The following COPG2 variants were observed in gnomAD, a reference collection of about 807,000 sequenced individuals.
The protein encoded by COPG2 is coat protein complex I subunit gamma 2.
A neutral mutation model predicts 46.3 loss-of-function variants in COPG2; 37 were observed. The observed-to-expected ratio is 0.80, with a 90% CI of 0.61 to 1.05. The LOEUF (loss-of-function observed/expected upper bound fraction) is 1.05, where lower values mean the gene tolerates loss of function less well. COPG2 is among the 50% of genes least tolerant of loss of function. The probability of loss-of-function intolerance (pLI) is 0.00; values close to 1 mark genes in which losing one functional copy is unlikely to be tolerated. For synonymous variants in COPG2, 159 were observed against 129.7 expected (o/e 1.23, Z -1.53); for missense variants, 427 against 387.8 (o/e 1.10, Z -0.85).
At chr7:130,547,910 C>A in intron 19 of COPG2, 65 bp from the exon 20 acceptor site, 1 of 398,466 alleles carries the variant, frequency 2.5e-6, no homozygotes. Flanking sequence ...TCATAACCCA[C>A]TACTCAGCTC....
chr7:130,648,195 G>T (rs555059099), intron 5 of COPG2, among the ~76,000 whole-genome samples: 148 of 151,998 alleles, frequency 9.7e-4, no homozygotes, highest in African/African-American at 3.2e-3. Context: ...CATACAGAAA[G>T]GTCATCTATA....
intron 12 of COPG2, among the ~76,000 whole-genome samples, chr7:130,558,580 A>G (rs898963568): frequency 1.5e-3 from 222 of 152,284 alleles, no homozygotes; most frequent in African/African-American, 4.9e-3. Flanking sequence ...ACAGAGTGCA[A>G]TATGATCACA....
intron 20 of COPG2, among the ~76,000 whole-genome samples, chr7:130,522,161 A>C (rs999019232): frequency 5.3e-5 from 8 of 152,220 alleles, no homozygotes; most frequent in Non-Finnish European, 1.2e-4. Context: ...GTCAAAGAAG[A>C]GAAAAAGAGG....
intron 9 of COPG2, among the ~76,000 whole-genome samples, chr7:130,602,552 A>G (rs1299050680): frequency 8.5e-5 from 13 of 152,094 alleles, no homozygotes; most frequent in Non-Finnish European, 1.5e-5. Context: ...AGGTCACTGC[A>G]ACCTCTGCCT....
chr7:130,582,478 A>G (rs1278901578), intron 9 of COPG2, among the ~76,000 whole-genome samples: 3 of 151,890 alleles, frequency 2.0e-5, no homozygotes, highest in African/African-American at 4.8e-5. Flanking sequence ...AATGGCAACA[A>G]AAGACAAAAT....
At chr7:130,657,533 A>C (rs977633654) in intron 4 of COPG2, among the ~76,000 whole-genome samples, 1 of 152,162 alleles carries the variant, frequency 6.6e-6, no homozygotes, top group Non-Finnish European at 1.5e-5. Context: ...AAAATTTGAT[A>C]AACTGGACTT....
intron 20 of COPG2, among the ~76,000 whole-genome samples, chr7:130,513,634 C>T (rs1383102644): frequency 4.0e-5 from 6 of 151,676 alleles, no homozygotes; most frequent in African/African-American, 1.5e-4. Context: ...ACAAGTGTGA[C>T]CAATAGAGTG....
intron 20 of COPG2, among the ~76,000 whole-genome samples, chr7:130,531,888 C>T (rs1166388693): frequency 1.3e-5 from 2 of 152,004 alleles, no homozygotes; most frequent in African/African-American, 4.8e-5. Flanking sequence ...GACCCCCAGG[C>T]AGGCCTATCC....
intron 9 of COPG2, among the ~76,000 whole-genome samples, chr7:130,566,065 G>GA (rs1418909564): frequency 8.0e-4 from 121 of 152,112 alleles, no homozygotes; most frequent in African/African-American, 2.8e-3. Context: ...GTTTGATTTA[G>GA]AAAAAACATT....
intron 5 of COPG2, among the ~76,000 whole-genome samples, chr7:130,629,964 CT>C (rs1157513021): frequency 6.6e-6 from 1 of 151,096 alleles, no homozygotes; most frequent in African/African-American, 2.4e-5. Flanking sequence ...GTCGCCCAGG[CT>C]GTAGTGCAAT....
intron 5 of COPG2, among the ~76,000 whole-genome samples, chr7:130,628,934 G>C (rs1385399611): frequency 6.6e-6 from 1 of 152,146 alleles, no homozygotes; most frequent in Non-Finnish European, 1.5e-5. Flanking sequence ...TGTAGTCCTA[G>C]CTACTCAGGA....
At position 130,666,909 on chromosome 7, in the gene COPG2, A is replaced by G; in HGVS notation, c.111T>C (p.Thr37=). The G allele has an allele frequency of 6.4e-7, 1 of 1,562,450 alleles. No individual in the cohort carries two copies. Among genetic ancestry groups the G allele is most frequent in the Non-Finnish European group, 8.7e-7 (1 of 1,144,262 alleles). The stretch of plus-strand genomic sequence containing the variant: ...GCAAACATCTTCTTGGATTGATTGG[A>G]GTTTCATTGAATATACGAGCCTATG... The part of the protein sequence containing the change: ...VLQEARIFNE[T]PINPRRCLHI... Residue 37 remains threonine, a synonymous_variant, in exon 3 of 24, where the codon ACT becomes ACC. Coordinates refer to ENST00000425248, the MANE Select transcript of COPG2 (RefSeq NM_012133.6).
chr7:130,567,536 G>T (rs1173953037), intron 9 of COPG2, among the ~76,000 whole-genome samples: 1 of 152,100 alleles, frequency 6.6e-6, no homozygotes, highest in Non-Finnish European at 1.5e-5. Context: ...CAAGATGAAG[G>T]AAAGAATCTT....
chr7:130,562,706 T>C (rs1031872031), intron 11 of COPG2, among the ~76,000 whole-genome samples: 2 of 152,218 alleles, frequency 1.3e-5, no homozygotes, highest in African/African-American at 2.4e-5. Context: ...AAATATCTAT[T>C]ACATGTTGAG....
At chr7:130,527,009 T>A (rs1260608169) in intron 20 of COPG2, among the ~76,000 whole-genome samples, 1 of 151,576 alleles carries the variant, frequency 6.6e-6, no homozygotes, top group Non-Finnish European at 1.5e-5. Context: ...TTAATTGAGC[T>A]GGTGGACTAT....
intron 14 of COPG2, among the ~76,000 whole-genome samples, chr7:130,553,631 T>G (rs1432540243): frequency 6.6e-6 from 1 of 152,140 alleles, no homozygotes; most frequent in Non-Finnish European, 1.5e-5. Context: ...ACAAACAAGT[T>G]CAGGAAAGAG....
At chr7:130,587,176 G>T (rs1487453803) in intron 9 of COPG2, among the ~76,000 whole-genome samples, 1 of 151,610 alleles carries the variant, frequency 6.6e-6, no homozygotes, top group African/African-American at 2.4e-5. Context: ...GCATGGTGGC[G>T]CATGCCTGTA....
intron 3 of COPG2, among the ~76,000 whole-genome samples, chr7:130,665,664 T>C (rs1370132967): frequency 1.1e-4 from 16 of 152,252 alleles, no homozygotes; most frequent in African/African-American, 3.4e-4. Context: ...GTGTAGGTTA[T>C]ATGCAAATAC....
At chr7:130,613,954 T>C (rs1352948691) in intron 6 of COPG2, among the ~76,000 whole-genome samples, 1 of 152,188 alleles carries the variant, frequency 6.6e-6, no homozygotes. Flanking sequence ...ATCAGGAAAG[T>C]CATAAAGAAA....
Sources: allele counts gnomAD v4.1 joint callset (sites outside exome capture counted in the v4.1 genomes callset), GRCh38; gene constraint gnomAD v4.1.1; transcripts MANE v1.5; gene names NCBI Gene and HGNC (gene_info 2026-07-23, HGNC 2026-07-21).